Variants in RELL1 observed in about 807,000 individuals in gnomAD.
RELL1 encodes the protein RELT-like protein 1.
A neutral mutation model predicts 23.0 loss-of-function variants in RELL1; 10 were observed. The ratio of observed to expected loss-of-function variants is 0.43; its 90% CI spans 0.27 to 0.74. The LOEUF (loss-of-function observed/expected upper bound fraction) is 0.74. Among genes scored for constraint, RELL1 ranks in the 30% least tolerant of loss-of-function variants. The pLI, the probability that RELL1 is intolerant of heterozygous loss-of-function variation, is 0.19. For missense variants in RELL1, 315 were observed against 364.4 expected, an observed-to-expected ratio of 0.86 and a Z score of 1.10; for synonymous variants, 146 against 146.8, an observed-to-expected ratio of 0.99 and a Z score of 0.04.
chr4:37,644,564 A>G (rs1484302630), intron 3 of RELL1, among the ~76,000 whole-genome samples: 3 of 151,368 alleles, frequency 2.0e-5, no homozygotes, highest in Non-Finnish European at 4.4e-5. Context: ...TCCCGGGTTC[A>G]AGTGATTCTC....
intron 6 of RELL1, among the ~76,000 whole-genome samples, chr4:37,604,645 C>G (rs1403734844): frequency 6.6e-6 from 1 of 152,084 alleles, no homozygotes; most frequent in Non-Finnish European, 1.5e-5. Flanking sequence ...ACAAATGACT[C>G]TGTGTTACAA....
chr4:37,612,282 T>C lies in RELL1; in HGVS notation c.*1064A>G, dbSNP rs1719418241. On this transcript the variant is annotated 3_prime_UTR_variant, in exon 7 of 7. Transcript: ENST00000454158. ...TGTGTGACTTTCAACCATTTTCTCC[T>C]TTATTCAATGGATTAACCAAGAATC... Among the ~76,000 whole-genome samples the C allele has an allele frequency of 6.7e-6, 1 of 149,188 alleles. No individual in the cohort carries two copies. Among genetic ancestry groups the C allele is most frequent in the South Asian group, 2.1e-4 (1 of 4,742 alleles).
chr4:37,627,484 CAGAGGGCA>C (rs1350306649), intron 6 of RELL1, among the ~76,000 whole-genome samples: 1 of 152,104 alleles, frequency 6.6e-6, no homozygotes, highest in Non-Finnish European at 1.5e-5. Context: ...ATAAATCAGG[CAGAGGGCA>C]AGAGGGCAAG....
intron 1 of RELL1, among the ~76,000 whole-genome samples, chr4:37,679,426 G>A (rs1225615895): frequency 6.6e-6 from 1 of 152,170 alleles, no homozygotes; most frequent in Non-Finnish European, 1.5e-5. Flanking sequence ...ACTTTGAGCA[G>A]TTTTATATTT....
At chr4:37,648,165 C>G (rs1363339233) in intron 2 of RELL1, among the ~76,000 whole-genome samples, 1 of 152,260 alleles carries the variant, frequency 6.6e-6, no homozygotes, top group African/African-American at 2.4e-5. Context: ...GGTCAGCTTT[C>G]CTCCACGTGA....
chr4:37,636,094 A>G (rs1332934043), intron 4 of RELL1, among the ~76,000 whole-genome samples: 1 of 152,214 alleles, frequency 6.6e-6, no homozygotes, highest in Non-Finnish European at 1.5e-5. Context: ...CTTCCTTTTA[A>G]CAATGAGGAT....
At chr4:37,602,855 G>A (rs1007960089) in intron 6 of RELL1, among the ~76,000 whole-genome samples, 5 of 152,138 alleles carry the variant, frequency 3.3e-5, no homozygotes, top group African/African-American at 1.2e-4. Flanking sequence ...AGCATTCAGC[G>A]CGCGGGGTTC....
At position 37,634,970 on chromosome 4, in the gene RELL1, C is replaced by A. The variant is rs758463532; in HGVS notation, c.597G>T (p.Arg199=). 1.9e-6 allele frequency: 3 copies of A among 1,614,252 alleles called. No homozygotes were observed. Among genetic ancestry groups the A allele is most frequent in the South Asian group, 2.2e-5 (2 of 91,092 alleles). The change falls in exon 5 of 7, where the codon CGG becomes CGT. Residue 199 remains arginine, a synonymous_variant. Transcript: ENST00000454158. ...RDVCHRCRHK[R]WHFIKPTNKS... Reference sequence around the variant, plus strand: ...TGTTAGTGGGCTTTATAAAGTGCCACCGCTTGTGCCTACACCGATGACACA... The same window carrying A: ...TGTTAGTGGGCTTTATAAAGTGCCAACGCTTGTGCCTACACCGATGACACA...
At chr4:37,631,285 A>G in intron 6 of RELL1, 100 bp downstream of exon 6, 1 of 1,337,626 alleles carries the variant, frequency 7.5e-7, no homozygotes, top group East Asian at 2.4e-5. Context: ...CTTCCCTGTC[A>G]AATACCATTC....
At chr4:37,659,927 A>G (rs963421980) in intron 1 of RELL1, among the ~76,000 whole-genome samples, 4 of 152,146 alleles carry the variant, frequency 2.6e-5, no homozygotes, top group Non-Finnish European at 5.9e-5. Context: ...TCCTCTCCTT[A>G]CCAGGAAAGG....
chr4:37,639,902 G>C (rs1720467375), intron 3 of RELL1, among the ~76,000 whole-genome samples: 2 of 152,088 alleles, frequency 1.3e-5, no homozygotes, highest in Admixed American at 1.3e-4. Flanking sequence ...AACAGTTAAG[G>C]GCTTACAATG....
At chr4:37,668,353 T>C (rs1437801643) in intron 1 of RELL1, among the ~76,000 whole-genome samples, 7 of 152,324 alleles carry the variant, frequency 4.6e-5, no homozygotes, top group Admixed American at 3.3e-4. Flanking sequence ...GTGCCTGCGA[T>C]TGTAGGCCCG....
chr4:37,668,018 C>T (rs1340619679), intron 1 of RELL1, among the ~76,000 whole-genome samples: 1 of 151,350 alleles, frequency 6.6e-6, no homozygotes, highest in African/African-American at 2.4e-5. Context: ...TTAAATGGTC[C>T]CAGTTTTTAT....
chr4:37,645,471 G>A (rs17495288), intron 3 of RELL1, among the ~76,000 whole-genome samples: 40,071 of 152,040 alleles, frequency 0.26, 5,618 homozygotes, highest in Middle Eastern at 0.31. Flanking sequence ...CTGAAGGAAG[G>A]TCTCTGGAAG....
chr4:37,604,810 G>GACACACACACAGACACACAC lies in RELL1; in HGVS notation c.*4-13613_*4-13594dup, dbSNP rs1553871520. ...AGACACACACACAGACACACACACA[G>GACACACACACAGACACACAC]ACACACACACAGACACACACATACA... is the stretch of plus-strand genomic sequence containing the variant. On this transcript the variant is annotated intron_variant, in intron 6 of 6. Coordinates refer to the RELL1 transcript ENST00000314117. 3.8e-4 allele frequency among the ~76,000 whole-genome samples: 28 copies of GACACACACACAGACACACAC among 73,638 alleles called. 1 individual carries two copies. Among genetic ancestry groups the GACACACACACAGACACACAC allele is most frequent in the Non-Finnish European group, 5.5e-4 (22 of 39,754 alleles). 48.3% of individuals were successfully genotyped at this position (73,638 alleles called of 152,430 possible).
downstream of RELL1, among the ~76,000 whole-genome samples, chr4:37,606,576 G>T (rs1272748426): frequency 6.6e-6 from 1 of 152,222 alleles, no homozygotes. This position sits in a 1 kb window ranked among gnomAD's most constrained non-coding sequence, Gnocchi z 4.1. Context: ...CCTCACACAG[G>T]AAAGAAGACA....
chr4:37,589,897 G>A (rs537482672), downstream of RELL1, among the ~76,000 whole-genome samples: 2 of 152,344 alleles, frequency 1.3e-5, no homozygotes, highest in African/African-American at 4.8e-5. Context: ...CACCCAAATT[G>A]CTGAGATTAC....
chr4:37,598,252 C>CAAAAAAAAAAAAAAAAAAA (rs56142508), intron 6 of RELL1, among the ~76,000 whole-genome samples: 4 of 11,336 alleles, frequency 3.5e-4, no homozygotes, highest in East Asian at 1.3e-3. Context: ...AACTCTGTCT[C>CAAAAAAAAAAAAAAAAAAA]AAAAAAAAAA....
chr4:37,670,473 C>T (rs905813765), intron 1 of RELL1, among the ~76,000 whole-genome samples: 1 of 152,104 alleles, frequency 6.6e-6, no homozygotes, highest in Admixed American at 6.5e-5. Flanking sequence ...TCAAAGAAAA[C>T]CATATAGTAG....
Sources: gnomAD v4.1 joint callset for allele counts (sites outside exome capture counted in the v4.1 genomes callset) on GRCh38, gnomAD v4.1.1 for gene constraint, Gnocchi (gnomAD v3.1) non-coding constraint, MANE v1.5 for transcripts, NCBI Gene and HGNC (gene_info 2026-07-23, HGNC 2026-07-21) for gene names.